Variants in DOT1L observed in about 807,000 individuals in gnomAD.
DOT1L encodes histone-lysine N-methyltransferase, H3 lysine-79 specific.
In DOT1L, 33 loss-of-function variants were observed where a neutral mutation model predicts 153.3. The observed-to-expected ratio is 0.22, with a 90% CI of 0.16 to 0.29. DOT1L has a LOEUF of 0.29. Ranked by LOEUF, DOT1L falls within the 10% of genes least tolerant of loss-of-function variation. The pLI is 1.00. For missense variants in DOT1L, 1,847 were observed against 2,119.9 expected (o/e 0.87, Z 2.53); for synonymous variants, 1,135 against 965.1 (o/e 1.18, Z -3.26).
In DOT1L at chr19:2,222,460, C is replaced by T. The variant is rs752390895; in HGVS notation, c.3291C>T (p.Pro1097=). ...GRRKRASAGT[P]SLSAGVSPKR... The stretch of plus-strand genomic sequence containing the variant: ...GGAAGCGAGCATCTGCGGGGACGCC[C>T]AGCTTGAGCGCAGGCGTGTCCCCCA... The change falls in exon 24 of 28, where the codon CCC becomes CCT. Residue 1097 remains proline, a synonymous_variant. Transcript: ENST00000398665. The surrounding 1 kb of genome is among the most constrained non-coding windows in gnomAD (Gnocchi z 6.5). 22 of 1,606,816 alleles carry T rather than the reference C, an allele frequency of 1.4e-5. No individual in the cohort carries two copies. The highest frequency in any genetic ancestry group is 1.5e-5 in the Non-Finnish European group (18 of 1,178,694).
chr19:2,217,764 G>C lies in DOT1L; in HGVS notation c.2545-8G>C. 2 of 1,597,758 alleles carry C rather than the reference G, an allele frequency of 1.3e-6. No homozygotes were observed. Among genetic ancestry groups the C allele is most frequent in the Non-Finnish European group, 1.7e-6 (2 of 1,173,210 alleles). ...ACCCACGACTGGGGGTCGGGCCTTC[G>C]TCTGCAGGGCCTGAGAGAGCGCGCC... On this transcript the variant is annotated splice_polypyrimidine_tract_variant and splice_region_variant and intron_variant, in intron 21 of 27. Transcript: ENST00000398665. The surrounding 1 kb of genome is among the most constrained non-coding windows in gnomAD (Gnocchi z 7.3).
rs539793794 is a variant in DOT1L at position 2,198,317 on chromosome 19, A to C, written c.652-1567A>C. Among the ~76,000 whole-genome samples the C allele has an allele frequency of 2.6e-5, 4 of 152,212 alleles. No homozygotes were observed. The South Asian group carries it at 8.3e-4, about 32-fold the overall frequency. ...AGACGGGTGTGGGGGGTGGCCCAGCACCTGCAGAGGCTCAGGATGGCTCGC... is the reference window on the plus strand; with the variant it reads ...AGACGGGTGTGGGGGGTGGCCCAGCCCCTGCAGAGGCTCAGGATGGCTCGC... On this transcript the variant is annotated intron_variant, in intron 7 of 27. Transcript: ENST00000398665.
intron 2 of DOT1L, 33 bp from the exon 3 acceptor site, chr19:2,185,822 C>T (rs2022478527): frequency 6.2e-7 from 1 of 1,609,262 alleles, no homozygotes; most frequent in Non-Finnish European, 8.5e-7. Flanking sequence ...AAAAACCAAA[C>T]CCTTCCTGAT....
intron 1 of DOT1L, among the ~76,000 whole-genome samples, 176 bp from the exon 2 acceptor site, chr19:2,180,537 G>A (rs1024703779): frequency 1.3e-5 from 2 of 152,142 alleles, no homozygotes; most frequent in East Asian, 1.9e-4. Flanking sequence ...TGTTCCCTTC[G>A]TGGTCCAGGG....
intron 1 of DOT1L, among the ~76,000 whole-genome samples, chr19:2,173,695 TC>T (rs962686993): frequency 6.6e-6 from 1 of 152,094 alleles, no homozygotes; most frequent in African/African-American, 2.4e-5. Flanking sequence ...CCGGAAGACC[TC>T]CCCCAGACCC....
At chr19:2,199,272 A>C (rs1384951614) in intron 7 of DOT1L, among the ~76,000 whole-genome samples, 1 of 152,196 alleles carries the variant, frequency 6.6e-6, no homozygotes, top group Admixed American at 6.5e-5. Context: ...TGCTGTTAGC[A>C]GGCCGTCAGC....
At chr19:2,182,691 G>A (rs2022298573) in intron 2 of DOT1L, among the ~76,000 whole-genome samples, 1 of 152,142 alleles carries the variant, frequency 6.6e-6, no homozygotes, top group Admixed American at 6.5e-5. Flanking sequence ...AGTGTGTCTG[G>A]AGGTGCTCAG....
Position 2,208,716 on chromosome 19 carries a change from C to T in DOT1L, c.964-219C>T, listed in dbSNP as rs113673435. ...AAGGCTTAAACCAGCCCCGCCCACC[C>T]GTCGCGTGCTGGTGAATTGAGGGTG... On this transcript the variant is annotated intron_variant, in intron 11 of 27. Coordinates refer to ENST00000398665, the MANE Select transcript of DOT1L (RefSeq NM_032482.3). The surrounding 1 kb of genome is among the most constrained non-coding windows in gnomAD (Gnocchi z 4.4). Among the ~76,000 whole-genome samples the T allele has an allele frequency of 2.6e-5, 4 of 152,292 alleles. No individual in the cohort carries two copies. Among genetic ancestry groups the T allele is most frequent in the African/African-American group, 7.2e-5 (3 of 41,566 alleles).
chr19:2,220,015 C>T lies in DOT1L; in HGVS notation c.2692-93C>T. On this transcript the variant is annotated intron_variant, in intron 22 of 27. Transcript: ENST00000398665. The surrounding 1 kb of genome is among the most constrained non-coding windows in gnomAD (Gnocchi z 4.5). ...GGTGACCCCGGCGGCCTCCCCCAGC[C>T]AGCTGCAGGCCTCAACACTCACTGT... is the stretch of plus-strand genomic sequence containing the variant. The T allele has an allele frequency of 8.2e-7, 1 of 1,216,272 alleles. No homozygotes were observed. Among genetic ancestry groups the T allele is most frequent in the Non-Finnish European group, 1.1e-6 (1 of 871,942 alleles). The allele number at this position is 1,216,272 out of a possible 1,614,324, so 75.3% of individuals were successfully genotyped here. A position where few individuals can be genotyped will look rare whatever the true frequency, so the allele number is the denominator to read the frequency against.
chr19:2,177,606 G>C (rs2022011207), intron 1 of DOT1L, among the ~76,000 whole-genome samples: 1 of 151,938 alleles, frequency 6.6e-6, no homozygotes. Context: ...CTCATGATCT[G>C]CGCCCAGCTC....
At chr19:2,195,369 C>G (rs553540868) in intron 7 of DOT1L, among the ~76,000 whole-genome samples, 16 of 152,286 alleles carry the variant, frequency 1.1e-4, no homozygotes, top group Admixed American at 4.6e-4. Flanking sequence ...CTCCTCCTCA[C>G]AGTCCCAGCT....
At chr19:2,198,361 G>A (rs576442142) in intron 7 of DOT1L, among the ~76,000 whole-genome samples, 115 of 152,300 alleles carry the variant, frequency 7.6e-4, no homozygotes, top group Middle Eastern at 3.4e-3. Flanking sequence ...CTCCCATCCC[G>A]TCTCCTCCCC....
chr19:2,210,280 C>A (rs2023659435), intron 12 of DOT1L, 120 bp from the exon 13 acceptor site: 2 of 904,184 alleles, frequency 2.2e-6, no homozygotes, highest in Non-Finnish European at 1.6e-6. Context: ...CCACAGAGGA[C>A]TTGCAGTGGA....
chr19:2,205,550 C>T (rs1022798771), intron 9 of DOT1L, among the ~76,000 whole-genome samples: 1 of 152,220 alleles, frequency 6.6e-6, no homozygotes, highest in Non-Finnish European at 1.5e-5. Flanking sequence ...TTATCACTGA[C>T]AGTCAGTTAG....
intron 1 of DOT1L, among the ~76,000 whole-genome samples, chr19:2,180,235 C>T (rs1475397953): frequency 6.6e-6 from 1 of 152,142 alleles, no homozygotes; most frequent in Non-Finnish European, 1.5e-5. Flanking sequence ...ACATACCAGG[C>T]CTTTGCCAAC....
chr19:2,208,786 G>T lies in DOT1L; in HGVS notation c.964-149G>T. On this transcript the variant is annotated intron_variant, in intron 11 of 27. Coordinates refer to ENST00000398665, the MANE Select transcript of DOT1L (RefSeq NM_032482.3). This position sits in a 1 kb window ranked among gnomAD's most constrained non-coding sequence, Gnocchi z 4.4. ...TTAGTCACATCCGCGTTTGCCACTG[G>T]GGGGCTCTAGCTGCATGCCTGCTGT... 1 of 773,386 alleles carries T rather than the reference G, an allele frequency of 1.3e-6. No individual in the cohort carries two copies. Among genetic ancestry groups the T allele is most frequent in the Non-Finnish European group, 2.1e-6 (1 of 471,612 alleles). The allele number at this position is 773,386 out of a possible 1,614,324, so 47.9% of individuals were successfully genotyped here.
intron 1 of DOT1L, among the ~76,000 whole-genome samples, chr19:2,174,317 C>G (rs781346457): frequency 6.6e-5 from 10 of 152,204 alleles, no homozygotes; most frequent in Non-Finnish European, 1.2e-4. Context: ...ATGTCCAGGC[C>G]CAGCTCTGCT....
chr19:2,199,495 C>T lies in DOT1L; in HGVS notation c.652-389C>T, dbSNP rs1015932095. On this transcript the variant is annotated intron_variant, in intron 7 of 27. Coordinates refer to ENST00000398665, the MANE Select transcript of DOT1L (RefSeq NM_032482.3). Reference sequence around the variant, plus strand: ...ATGGTGGGGACTGCAGGCCCTGCCTCGGGGCGCCCCTGCTGGCCGCCTCTG... The same window carrying T: ...ATGGTGGGGACTGCAGGCCCTGCCTTGGGGCGCCCCTGCTGGCCGCCTCTG... 3.9e-5 allele frequency among the ~76,000 whole-genome samples: 6 copies of T among 152,234 alleles called. No homozygotes were observed. In the East Asian group the frequency reaches 7.7e-4, roughly 20 times the overall value.
Position 2,231,086 on chromosome 19 carries a change from A to G in DOT1L, c.*1294A>G. On this transcript the variant is annotated 3_prime_UTR_variant, in exon 28 of 28. Coordinates refer to ENST00000398665, the MANE Select transcript of DOT1L (RefSeq NM_032482.3). ...GAGCTGAGGCCGGGGTGTAGCAGGC[A>G]GGCAGGGCCACTCCAGTGCTTCTGG... 4.3e-6 allele frequency: 1 copy of G among 231,914 alleles called. No individual in the cohort carries two copies. 14.4% of individuals were successfully genotyped at this position (231,914 alleles called of 1,614,324 possible).
Sources: gnomAD v4.1 joint callset for allele counts (sites outside exome capture counted in the v4.1 genomes callset) on GRCh38, gnomAD v4.1.1 for gene constraint, Gnocchi (gnomAD v3.1) non-coding constraint, MANE v1.5 for transcripts, NCBI Gene and HGNC (gene_info 2026-07-23, HGNC 2026-07-21) for gene names.